EXOC4: variants seen among roughly 807,000 people sequenced by gnomAD.
EXOC4 encodes the protein exocyst complex component 4.
Under a neutral mutation model 107.2 loss-of-function variants are expected in EXOC4, and 71 were observed. The ratio of observed to expected loss-of-function variants is 0.66; its 90% confidence interval spans 0.55 to 0.81. The LOEUF (loss-of-function observed/expected upper bound fraction) is 0.81, where lower values mean the gene tolerates loss of function less well. Among genes scored for constraint, EXOC4 ranks in the 30% least tolerant of loss-of-function variants. The pLI is 0.00. For synonymous variants in EXOC4, 456 were observed against 441.2 expected (o/e 1.03, Z -0.42); for missense variants, 1,108 against 1,189.6 (o/e 0.93, Z 1.01).
chr7:133,474,557 C>G (rs1421636988), intron 7 of EXOC4, among the ~76,000 whole-genome samples: 1 of 151,702 alleles, frequency 6.6e-6, no homozygotes, highest in African/African-American at 2.4e-5. Flanking sequence ...AAGTGATCCT[C>G]CTACCTCAGC....
At chr7:133,972,678 A>G (rs1801269560) in intron 14 of EXOC4, among the ~76,000 whole-genome samples, 1 of 152,244 alleles carries the variant, frequency 6.6e-6, no homozygotes, top group Non-Finnish European at 1.5e-5. Flanking sequence ...TATTGCAAAT[A>G]CAAAACCCCA....
At chr7:133,928,715 A>G (rs1011539609) in intron 13 of EXOC4, among the ~76,000 whole-genome samples, 8 of 152,082 alleles carry the variant, frequency 5.3e-5, no homozygotes, top group African/African-American at 1.7e-4. Context: ...AAATATGGAT[A>G]AACCTACACA....
At chr7:133,979,876 A>G (rs941890383) in intron 14 of EXOC4, among the ~76,000 whole-genome samples, 3 of 152,142 alleles carry the variant, frequency 2.0e-5, no homozygotes, top group Non-Finnish European at 4.4e-5. Flanking sequence ...GATGCCTGTC[A>G]TTCTTCAAAA....
At chr7:133,521,185 G>T (rs576897902) in intron 9 of EXOC4, among the ~76,000 whole-genome samples, 14 of 152,192 alleles carry the variant, frequency 9.2e-5, no homozygotes, top group African/African-American at 3.4e-4. Flanking sequence ...TTTTTCTAGA[G>T]CTGCTTTATG....
chr7:133,341,024 T>C (rs535011184), intron 5 of EXOC4, among the ~76,000 whole-genome samples: 43 of 152,298 alleles, frequency 2.8e-4, no homozygotes, highest in African/African-American at 1.0e-3. Flanking sequence ...GTTGTTTGTT[T>C]CAATTTTATT....
chr7:133,476,254 G>C lies in EXOC4; in HGVS notation c.1328+781G>C, dbSNP rs574387120. Among the ~76,000 whole-genome samples, 69 of 152,096 alleles carry C rather than the reference G, an allele frequency of 4.5e-4. No individual in the cohort carries two copies. In the South Asian group the frequency reaches 0.012, roughly 26 times the overall value. On this transcript the variant is annotated intron_variant, in intron 8 of 17. Transcript: ENST00000253861. ...AATTACAACAACCTTATAGGCAAGG[G>C]TTGTATTTTTAATACTTTTGTACAT...
intron 9 of EXOC4, among the ~76,000 whole-genome samples, chr7:133,503,286 AC>A (rs1039194352): frequency 2.0e-5 from 3 of 152,158 alleles, no homozygotes; most frequent in African/African-American, 4.8e-5. Context: ...ATTTTAAAAA[AC>A]ATCTTCATAA....
intron 10 of EXOC4, among the ~76,000 whole-genome samples, chr7:133,739,932 G>A (rs2151127400): frequency 6.6e-6 from 1 of 152,238 alleles, no homozygotes; most frequent in Non-Finnish European, 1.5e-5. Context: ...TATTGTTACT[G>A]TGGGGCTGAG....
At chr7:133,720,525 G>C (rs1428879773) in intron 10 of EXOC4, among the ~76,000 whole-genome samples, 1 of 152,080 alleles carries the variant, frequency 6.6e-6, no homozygotes, top group African/African-American at 2.4e-5. Context: ...TTCTATTCAT[G>C]TTAAAGCAAA....
chr7:133,994,292 A>G (rs1027014813), intron 14 of EXOC4, among the ~76,000 whole-genome samples: 5 of 152,052 alleles, frequency 3.3e-5, no homozygotes, highest in Admixed American at 2.0e-4. Flanking sequence ...AAGGACATGA[A>G]CTCATTCTTT....
chr7:133,461,194 C>T lies in EXOC4; in HGVS notation c.1183-14134C>T, dbSNP rs142306958. 1.4e-4 allele frequency among the ~76,000 whole-genome samples: 22 copies of T among 152,200 alleles called. 1 individual carries two copies. In the East Asian group the frequency reaches 3.9e-3, roughly 27 times the overall value. ...ATTTAACCACATTCTGAGGAGGCTG[C>T]GATGAATTCGGTTGAGATGTTCTTT... On this transcript the variant is annotated intron_variant, in intron 7 of 17. Transcript: ENST00000253861.
intron 10 of EXOC4, among the ~76,000 whole-genome samples, chr7:133,682,262 A>G (rs1240712259): frequency 6.6e-6 from 1 of 152,146 alleles, no homozygotes; most frequent in East Asian, 1.9e-4. Flanking sequence ...ATCATTTACC[A>G]AAGTTGTAAA....
intron 14 of EXOC4, among the ~76,000 whole-genome samples, chr7:133,989,387 GTAAACA>G (rs1446851457): frequency 1.3e-5 from 2 of 152,114 alleles, no homozygotes; most frequent in Non-Finnish European, 2.9e-5. Context: ...GGATAATAGT[GTAAACA>G]ATGAAAAGGG....
At chr7:133,700,564 A>G (rs998237337) in intron 10 of EXOC4, among the ~76,000 whole-genome samples, 1 of 152,216 alleles carries the variant, frequency 6.6e-6, no homozygotes, top group Non-Finnish European at 1.5e-5. Context: ...CACATGGTCA[A>G]ATACTCAGCT....
rs1302044753 is a variant in EXOC4, at chr7:133,420,906, C to T, written c.1182+45904C>T. Among the ~76,000 whole-genome samples, 32 of 150,606 alleles carry T rather than the reference C, an allele frequency of 2.1e-4. 1 individual carries two copies. Among genetic ancestry groups the T allele is most frequent in the Admixed American group, 2.1e-3 (32 of 15,162 alleles). Reference sequence around the variant, plus strand: ...ACTTCTGCTTGAGTATAGTGTTTTTCACTTTTGTAGTGCTGTTGTACTCTC... The same window carrying T: ...ACTTCTGCTTGAGTATAGTGTTTTTTACTTTTGTAGTGCTGTTGTACTCTC... On this transcript the variant is annotated intron_variant, in intron 7 of 17. Coordinates refer to ENST00000253861, the MANE Select transcript of EXOC4 (RefSeq NM_021807.4).
intron 10 of EXOC4, among the ~76,000 whole-genome samples, chr7:133,658,082 C>G (rs2151042570): frequency 6.6e-6 from 1 of 152,180 alleles, no homozygotes; most frequent in South Asian, 2.1e-4. Flanking sequence ...TAGGAGATGT[C>G]TAAACTGAGA....
intron 10 of EXOC4, among the ~76,000 whole-genome samples, chr7:133,728,595 A>C (rs1585106736): frequency 6.6e-6 from 1 of 152,246 alleles, no homozygotes; most frequent in Non-Finnish European, 1.5e-5. Flanking sequence ...CCCTTACTTC[A>C]TTGCCATCTA....
intron 10 of EXOC4, among the ~76,000 whole-genome samples, chr7:133,752,378 G>A (rs1185230019): frequency 6.6e-6 from 1 of 152,162 alleles, no homozygotes; most frequent in Non-Finnish European, 1.5e-5. Context: ...CTGTCTCTGT[G>A]AATTTGGTCA....
chr7:133,609,998 C>A (rs1471202010), intron 9 of EXOC4, among the ~76,000 whole-genome samples: 2 of 152,208 alleles, frequency 1.3e-5, no homozygotes, highest in Non-Finnish European at 2.9e-5. Context: ...GTTCTGTAAT[C>A]TTAGTCTTCT....
Sources: gnomAD v4.1 joint callset for allele counts (sites outside exome capture counted in the v4.1 genomes callset) on GRCh38, gnomAD v4.1.1 for gene constraint, MANE v1.5 for transcripts, NCBI Gene and HGNC (gene_info 2026-07-23, HGNC 2026-07-21) for gene names.